The following FCHSD2 variants were observed in gnomAD, a reference collection of about 807,000 sequenced individuals.
FCHSD2 encodes the protein FCH and double SH3 domains 2.
In FCHSD2, 38 loss-of-function variants were observed where a neutral mutation model predicts 108.1. The ratio of observed to expected loss-of-function variants is 0.35; its 90% CI spans 0.27 to 0.46. The LOEUF (loss-of-function observed/expected upper bound fraction) is 0.46, where lower values mean the gene tolerates loss of function less well. Among genes scored for constraint, FCHSD2 ranks in the 20% least tolerant of loss-of-function variants. The probability of loss-of-function intolerance (pLI) is 1.00; values close to 1 mark genes in which losing one functional copy is unlikely to be tolerated. For missense variants in FCHSD2, 751 were observed against 897.8 expected, an observed-to-expected ratio of 0.84 and a Z score of 2.09; for synonymous variants, 279 against 314.7, an observed-to-expected ratio of 0.89 and a Z score of 1.20.
intron 5 of FCHSD2, among the ~76,000 whole-genome samples, chr11:72,994,336 C>A (rs896742490): frequency 1.3e-5 from 2 of 148,618 alleles, no homozygotes; most frequent in Non-Finnish European, 3.0e-5. Flanking sequence ...ATGTTTCGTA[C>A]TTTACAGGTA....
intron 2 of FCHSD2, among the ~76,000 whole-genome samples, chr11:73,098,020 C>T (rs1173414607): frequency 1.3e-5 from 2 of 152,218 alleles, no homozygotes; most frequent in African/African-American, 2.4e-5. Context: ...TTTCAAAGTA[C>T]CAACTTTAGT....
chr11:72,981,201 C>G (rs1027668212), intron 8 of FCHSD2, among the ~76,000 whole-genome samples: 25 of 152,118 alleles, frequency 1.6e-4, no homozygotes, highest in African/African-American at 6.0e-4. Flanking sequence ...CAGGAGGGAC[C>G]AACCCCTGCC....
chr11:73,089,564 G>A (rs967327633), intron 2 of FCHSD2, among the ~76,000 whole-genome samples: 2 of 152,142 alleles, frequency 1.3e-5, no homozygotes, highest in African/African-American at 2.4e-5. Flanking sequence ...GTATAAACAA[G>A]ATGTGGTATA....
chr11:73,092,134 T>C (rs1260585360), intron 2 of FCHSD2, among the ~76,000 whole-genome samples: 1 of 152,080 alleles, frequency 6.6e-6, no homozygotes, highest in Non-Finnish European at 1.5e-5. Flanking sequence ...TCCTCCAGCA[T>C]CTTCTTTTTT....
chr11:73,101,619 TAG>T (rs551404461), intron 2 of FCHSD2, among the ~76,000 whole-genome samples: 156 of 152,138 alleles, frequency 1.0e-3, no homozygotes, highest in African/African-American at 3.6e-3. Context: ...GTATTTTTTG[TAG>T]AGACAGGATC....
intron 9 of FCHSD2, among the ~76,000 whole-genome samples, chr11:72,920,744 C>G (rs1360712657): frequency 6.6e-6 from 1 of 152,128 alleles, no homozygotes; most frequent in Non-Finnish European, 1.5e-5. Context: ...TACTTATATA[C>G]ATACTACATA....
chr11:72,853,500 C>T (rs188035366), intron 13 of FCHSD2, among the ~76,000 whole-genome samples: 5 of 152,168 alleles, frequency 3.3e-5, no homozygotes, highest in East Asian at 1.9e-4. Context: ...CTGCAACCTC[C>T]GCCTGCCAGG....
chr11:72,880,868 G>GAAAA (rs147665190), intron 12 of FCHSD2, among the ~76,000 whole-genome samples: 1 of 134,266 alleles, frequency 7.4e-6, no homozygotes, highest in African/African-American at 2.8e-5. Context: ...ACCCTGTCTC[G>GAAAA]AAAAAAAAAA....
intron 8 of FCHSD2, among the ~76,000 whole-genome samples, chr11:72,967,157 G>T (rs1384835906): frequency 2.0e-5 from 3 of 149,570 alleles, no homozygotes; most frequent in African/African-American, 7.4e-5. Flanking sequence ...CTGAGATCGC[G>T]CCACTGCACT....
At chr11:72,911,718 C>T (rs1855767719) in intron 9 of FCHSD2, among the ~76,000 whole-genome samples, 1 of 151,836 alleles carries the variant, frequency 6.6e-6, no homozygotes, top group African/African-American at 2.4e-5. Flanking sequence ...GGTACATGTG[C>T]ACAATGTGCA....
chr11:73,037,238 C>T (rs1015651879), intron 3 of FCHSD2, among the ~76,000 whole-genome samples: 4 of 152,170 alleles, frequency 2.6e-5, no homozygotes, highest in African/African-American at 9.7e-5. Context: ...CAACATCCCC[C>T]ACCACAGTGG....
At position 72,995,708 on chromosome 11, in the gene FCHSD2, C is replaced by CAA. The variant is rs760202806; in HGVS notation, c.387+5280_387+5281dup. 1.7e-3 allele frequency among the ~76,000 whole-genome samples: 107 copies of CAA among 63,080 alleles called. 1 individual carries two copies. In the East Asian group the frequency reaches 0.032, roughly 19 times the overall value. 41.4% of individuals were successfully genotyped at this position (63,080 alleles called of 152,430 possible). On this transcript the variant is annotated intron_variant, in intron 5 of 19. Coordinates refer to ENST00000409418, the MANE Select transcript of FCHSD2 (RefSeq NM_014824.3). ...GACAGAGCAGAGAAAAATTCTGTCT[C>CAA]AAAAAAAAAAAAAAAAGGAAGAAGT...
chr11:73,085,885 G>C (rs933397517), intron 2 of FCHSD2, among the ~76,000 whole-genome samples: 2 of 152,050 alleles, frequency 1.3e-5, no homozygotes, highest in African/African-American at 4.8e-5. Flanking sequence ...CTAAGAAGGG[G>C]AGAAGTATGG....
chr11:72,986,165 C>T (rs531393131), intron 6 of FCHSD2, among the ~76,000 whole-genome samples: 196 of 152,208 alleles, frequency 1.3e-3, no homozygotes, highest in African/African-American at 4.2e-3. Context: ...TTAAAAGATT[C>T]CTGTTATTTT....
At chr11:72,867,521 G>A (rs2135203277) in intron 13 of FCHSD2, among the ~76,000 whole-genome samples, 1 of 152,132 alleles carries the variant, frequency 6.6e-6, no homozygotes, top group African/African-American at 2.4e-5. Context: ...CACTAAAGAA[G>A]ACCTCTGAGA....
intron 8 of FCHSD2, among the ~76,000 whole-genome samples, chr11:72,954,161 C>CTTAGATTA (rs1227795919): frequency 6.8e-6 from 1 of 146,226 alleles, no homozygotes; most frequent in African/African-American, 2.5e-5. Context: ...ATAATGGTGG[C>CTTAGATTA]TTAGATTATT....
chr11:72,975,922 G>A (rs1033708390), intron 8 of FCHSD2, among the ~76,000 whole-genome samples: 57 of 152,080 alleles, frequency 3.7e-4, no homozygotes, highest in African/African-American at 1.3e-3. Context: ...ATGACACACT[G>A]TATCTCATTC....
intron 4 of FCHSD2, among the ~76,000 whole-genome samples, chr11:73,007,880 G>A (rs980559383): frequency 6.6e-6 from 1 of 152,224 alleles, no homozygotes; most frequent in African/African-American, 2.4e-5. Flanking sequence ...TGGGAGAACT[G>A]GGTGGGGAAT....
intron 8 of FCHSD2, among the ~76,000 whole-genome samples, chr11:72,933,532 T>C (rs1400670914): frequency 2.0e-5 from 3 of 152,198 alleles, no homozygotes; most frequent in Non-Finnish European, 4.4e-5. Context: ...TGGGTCATTG[T>C]TATTTGCAAT....
Sources: gnomAD v4.1 joint callset for allele counts (sites outside exome capture counted in the v4.1 genomes callset) on GRCh38, gnomAD v4.1.1 for gene constraint, MANE v1.5 for transcripts, NCBI Gene and HGNC (gene_info 2026-07-23, HGNC 2026-07-21) for gene names.